The following ABL2 variants were observed in gnomAD, a reference collection of about 807,000 sequenced individuals.
ABL2 encodes tyrosine-protein kinase ABL2.
Under a neutral mutation model 107.7 loss-of-function variants are expected in ABL2, and 49 were observed. That is an observed-to-expected ratio of 0.45 (90% CI 0.36 to 0.58). ABL2 has a LOEUF of 0.58. Ranked by LOEUF, ABL2 falls within the 20% of genes least tolerant of loss-of-function variation. ABL2 has a pLI of 0.00. For synonymous variants in ABL2, 549 were observed against 548.6 expected (o/e 1.00, Z -0.01); for missense variants, 1,245 against 1,457.0 (o/e 0.85, Z 2.37).
intron 3 of ABL2, among the ~76,000 whole-genome samples, chr1:179,130,927 TTCAGGATAA>T (rs1321551361): frequency 3.3e-5 from 5 of 149,412 alleles, no homozygotes; most frequent in Admixed American, 2.1e-4. Context: ...AAAAATGTAT[TTCAGGATAA>T]TTTTTTTTTT....
At chr1:179,182,349 A>G (rs1354585165) in intron 1 of ABL2, among the ~76,000 whole-genome samples, 2 of 152,170 alleles carry the variant, frequency 1.3e-5, no homozygotes, top group Non-Finnish European at 1.5e-5. Context: ...GCCTCAAATG[A>G]GCCCTTAACA....
intron 1 of ABL2, chr1:179,137,764 A>G (rs2636274): frequency 0.35 from 53,783 of 152,064 alleles, 9,854 homozygotes; most frequent in East Asian, 0.49. Context: ...CAGTGATGCA[A>G]TATTGAGCAG....
chr1:179,111,228 C>T (rs1429897061), intron 10 of ABL2, among the ~76,000 whole-genome samples: 5 of 150,450 alleles, frequency 3.3e-5, no homozygotes, highest in African/African-American at 7.3e-5. Context: ...GTGATCCACC[C>T]GCCTCAGCCT....
At chr1:179,224,421 C>A (rs545536380) in intron 1 of ABL2, among the ~76,000 whole-genome samples, 1 of 151,850 alleles carries the variant, frequency 6.6e-6, no homozygotes, top group African/African-American at 2.4e-5. Flanking sequence ...TGCCCGCCAC[C>A]ACACCTGGCT....
At position 179,229,528 on chromosome 1, in the gene ABL2, A is replaced by AC. The variant is rs1663435276; in HGVS notation, c.-132dup. On this transcript the variant is annotated 5_prime_UTR_variant, in exon 1 of 12. Coordinates refer to ENST00000502732, the MANE Select transcript of ABL2 (RefSeq NM_007314.4). ...GGCCCTGGCCCTGAGTGGCTGGGCCACCGGCGGCTCCGCACCCGGCCTCCT... is the reference window on the plus strand; with the variant it reads ...GGCCCTGGCCCTGAGTGGCTGGGCCACCCGGCGGCTCCGCACCCGGCCTCCT... 1.0e-6 allele frequency: 1 copy of AC among 983,402 alleles called. No individual in the cohort carries two copies. The highest frequency in any genetic ancestry group is 1.7e-5 in the African/African-American group (1 of 57,468). The allele number at this position is 983,402 out of a possible 1,614,324, so 60.9% of individuals were successfully genotyped here.
chr1:179,123,503 T>C (rs898639419), intron 4 of ABL2, among the ~76,000 whole-genome samples: 5 of 151,820 alleles, frequency 3.3e-5, no homozygotes, highest in Admixed American at 6.6e-5. Context: ...AGACTCCATC[T>C]AAAAAAAAGA....
At chr1:179,218,753 C>A (rs773214359) in intron 1 of ABL2, among the ~76,000 whole-genome samples, 13 of 152,188 alleles carry the variant, frequency 8.5e-5, no homozygotes, top group Non-Finnish European at 1.6e-4. Context: ...GGTCCCCAAC[C>A]AGCAGCACCT....
At chr1:179,121,509 A>G (rs1389683964) in intron 5 of ABL2, 86 bp downstream of exon 5, 3 of 1,524,562 alleles carry the variant, frequency 2.0e-6, no homozygotes, top group Middle Eastern at 3.5e-4. Context: ...AAGTGTTCCA[A>G]AGTTAAAGAA....
intron 1 of ABL2, among the ~76,000 whole-genome samples, chr1:179,144,439 G>A (rs565657096): frequency 3.9e-5 from 6 of 152,164 alleles, no homozygotes; most frequent in Admixed American, 2.0e-4. Context: ...CAGCCTGGGC[G>A]ACAGAGCGAG....
At chr1:179,160,930 G>T (rs1410092055) in intron 1 of ABL2, among the ~76,000 whole-genome samples, 3 of 152,114 alleles carry the variant, frequency 2.0e-5, no homozygotes, top group Non-Finnish European at 2.9e-5. Context: ...TAGAGACAGG[G>T]TCTCTGTTGC....
chr1:179,229,263 G>A lies in ABL2; in HGVS notation c.135C>T (p.Gly45=). 1.3e-6 allele frequency: 2 copies of A among 1,540,260 alleles called. No homozygotes were observed. Among genetic ancestry groups the A allele is most frequent in the Non-Finnish European group, 1.7e-6 (2 of 1,143,484 alleles). ...RDPAGRTTET[G]FNIFTQHDHF... is the part of the protein sequence containing the mutation. Reference sequence around the variant, plus strand: ...CACCATGCTGGGTGAAGATATTGAAGCCGGTCTCTGTGGTGCGCCCCGCCG... The same window carrying A: ...CACCATGCTGGGTGAAGATATTGAAACCGGTCTCTGTGGTGCGCCCCGCCG... Residue 45 remains glycine, a synonymous_variant, in exon 1 of 12, where the codon GGC becomes GGT. Coordinates refer to ENST00000502732, the MANE Select transcript of ABL2 (RefSeq NM_007314.4).
At chr1:179,115,123 T>TGTG in intron 8 of ABL2, 93 bp from the exon 9 acceptor site, 4 of 1,195,826 alleles carry the variant, frequency 3.3e-6, no homozygotes, top group Non-Finnish European at 4.7e-6. Flanking sequence ...TTAGGTAACA[T>TGTG]TCACACACTG....
At chr1:179,151,932 C>T (rs1658384707) in intron 1 of ABL2, among the ~76,000 whole-genome samples, 1 of 152,098 alleles carries the variant, frequency 6.6e-6, no homozygotes, top group Non-Finnish European at 1.5e-5. Context: ...TGCATTTGCT[C>T]CTGGTAGAGT....
chr1:179,209,042 G>C (rs956438046), intron 1 of ABL2, among the ~76,000 whole-genome samples: 6 of 152,102 alleles, frequency 3.9e-5, no homozygotes, highest in South Asian at 2.1e-4. Context: ...TCTAAGACTG[G>C]GTTCAGGGCA....
In ABL2 at chr1:179,102,757, A is replaced by G; in HGVS notation, c.*4961T>C. ...AGCAGAAGGGGTCATAATGAAATGTAGCTATAATTCAGAAGTGGCCACCAA... is the reference window on the plus strand; with the variant it reads ...AGCAGAAGGGGTCATAATGAAATGTGGCTATAATTCAGAAGTGGCCACCAA... On this transcript the variant is annotated 3_prime_UTR_variant, in exon 12 of 12. Transcript: ENST00000502732. 1 of 229,730 alleles carries G rather than the reference A, an allele frequency of 4.4e-6. No individual in the cohort carries two copies. The allele number at this position is 229,730 out of a possible 1,614,324, so 14.2% of individuals were successfully genotyped here. A position where few individuals can be genotyped will look rare whatever the true frequency, so the allele number is the denominator to read the frequency against.
intron 6 of ABL2, among the ~76,000 whole-genome samples, chr1:179,119,711 G>C (rs1329996829): frequency 6.6e-6 from 1 of 152,006 alleles, no homozygotes; most frequent in Non-Finnish European, 1.5e-5. Flanking sequence ...TTTTTAATTT[G>C]CTTCTTTTCA....
At chr1:179,191,596 ATT>A (rs1046906446) in intron 1 of ABL2, among the ~76,000 whole-genome samples, 12 of 151,286 alleles carry the variant, frequency 7.9e-5, no homozygotes, top group Non-Finnish European at 1.8e-4. Flanking sequence ...AATTTTTTGT[ATT>A]TTTAGTAGAG....
chr1:179,100,066 G>A lies in ABL2; in HGVS notation c.*7652C>T, dbSNP rs1458787069. The A allele has an allele frequency of 4.3e-6, 1 of 232,254 alleles. No individual in the cohort carries two copies. Among genetic ancestry groups the A allele is most frequent in the East Asian group, 6.1e-5 (1 of 16,458 alleles). The allele number at this position is 232,254 out of a possible 1,614,324, so 14.4% of individuals were successfully genotyped here. ...CACACCAGCTATACAGATCTGAGAT[G>A]AGAGGGTTTTCAAACATATGCCCTA... On this transcript the variant is annotated 3_prime_UTR_variant, in exon 12 of 12. Transcript: ENST00000502732.
chr1:179,179,315 G>C (rs951094621), intron 1 of ABL2, among the ~76,000 whole-genome samples: 4 of 152,070 alleles, frequency 2.6e-5, no homozygotes, highest in Non-Finnish European at 4.4e-5. Flanking sequence ...ATACTCATTG[G>C]AATACTGATT....
Sources: allele counts gnomAD v4.1 joint callset (sites outside exome capture counted in the v4.1 genomes callset), GRCh38; gene constraint gnomAD v4.1.1; transcripts MANE v1.5; gene names NCBI Gene and HGNC (gene_info 2026-07-23, HGNC 2026-07-21).